Variants in KCNQ3 observed in about 807,000 individuals in gnomAD.
KCNQ3 encodes the protein potassium voltage-gated channel subfamily KQT member 3.
KCNQ3 carries 30 observed loss-of-function variants against 92.5 expected under a neutral mutation model. The observed-to-expected ratio is 0.32, with a 90% CI of 0.24 to 0.44. KCNQ3 has a LOEUF of 0.44. Ranked by LOEUF, KCNQ3 falls within the 20% of genes least tolerant of loss-of-function variation. KCNQ3 has a pLI of 1.00. For synonymous variants in KCNQ3, 450 were observed against 468.8 expected (o/e 0.96, Z 0.52); for missense variants, 913 against 1,140.3 (o/e 0.80, Z 2.87).
intron 9 of KCNQ3, among the ~76,000 whole-genome samples, chr8:132,154,778 C>T (rs1825755361): frequency 1.3e-5 from 2 of 151,998 alleles, no homozygotes; most frequent in South Asian, 4.2e-4. Flanking sequence ...TTCTTTTTTC[C>T]TTTTCACCCA....
At position 132,172,754 on chromosome 8, in the gene KCNQ3, C is replaced by T. The variant is rs1826420874; in HGVS notation, c.1045-61G>A. 1.5e-5 allele frequency: 19 copies of T among 1,239,416 alleles called. No homozygotes were observed. The South Asian group carries it at 2.3e-4, about 15-fold the overall frequency. The allele number at this position is 1,239,416 out of a possible 1,614,324, so 76.8% of individuals were successfully genotyped here. ...CTAGACTGTCCCAGCATTCCCGCTC[C>T]ATTGCCAGGGTAATGGGGACTGTAG... On this transcript the variant is annotated intron_variant, in intron 6 of 14. Transcript: ENST00000388996.
intron 1 of KCNQ3, among the ~76,000 whole-genome samples, chr8:132,428,667 C>T (rs2130820772): frequency 6.6e-6 from 1 of 152,286 alleles, no homozygotes; most frequent in Non-Finnish European, 1.5e-5. Flanking sequence ...GCAAGCTATA[C>T]CTCTGTTAAA....
chr8:132,174,357 G>C lies in KCNQ3; in HGVS notation c.934-8C>G. ...AATGGTGGCCAGTGTGATCTGAAGA[G>C]AGAAGAGTTCAGACATGGAGTACCA... On this transcript the variant is annotated splice_polypyrimidine_tract_variant and splice_region_variant and intron_variant, in intron 5 of 14. Transcript: ENST00000388996. 2 of 1,541,904 alleles carry C rather than the reference G, an allele frequency of 1.3e-6. No homozygotes were observed.
intron 2 of KCNQ3, among the ~76,000 whole-genome samples, chr8:132,185,256 T>C (rs886437845): frequency 1.3e-5 from 2 of 152,228 alleles, no homozygotes; most frequent in African/African-American, 4.8e-5. Context: ...GCTCCACTAT[T>C]TTAAAAGCCC....
chr8:132,263,104 G>A (rs1815847777), intron 1 of KCNQ3, among the ~76,000 whole-genome samples: 3 of 151,960 alleles, frequency 2.0e-5, no homozygotes, highest in Admixed American at 2.0e-4. Context: ...CTCCCACTGA[G>A]CGCAATTAAG....
intron 9 of KCNQ3, among the ~76,000 whole-genome samples, chr8:132,153,712 AG>A (rs1157638155): frequency 6.9e-6 from 1 of 145,102 alleles, no homozygotes; most frequent in African/African-American, 2.6e-5. Flanking sequence ...TGTGGGTAAT[AG>A]TGGATACTCC....
At chr8:132,177,758 G>T (rs1454296178) in intron 4 of KCNQ3, among the ~76,000 whole-genome samples, 1 of 152,120 alleles carries the variant, frequency 6.6e-6, no homozygotes, top group African/African-American at 2.4e-5. Context: ...CATAGTACCC[G>T]GCCCAGAGTA....
intron 1 of KCNQ3, among the ~76,000 whole-genome samples, chr8:132,270,228 G>A (rs1321425336): frequency 7.2e-5 from 11 of 152,130 alleles, no homozygotes; most frequent in African/African-American, 1.9e-4. Flanking sequence ...GGCAATGGGC[G>A]TTGACGTCGC....
intron 1 of KCNQ3, among the ~76,000 whole-genome samples, chr8:132,297,167 T>G (rs1817058539): frequency 6.6e-6 from 1 of 152,248 alleles, no homozygotes; most frequent in South Asian, 2.1e-4. Flanking sequence ...TTGTGTCTGT[T>G]TTTTGGCTGC....
At chr8:132,370,309 G>GATGAATGA (rs571631731) in intron 1 of KCNQ3, among the ~76,000 whole-genome samples, 1 of 152,170 alleles carries the variant, frequency 6.6e-6, no homozygotes, top group Non-Finnish European at 1.5e-5. Flanking sequence ...CTGCTAAATG[G>GATGAATGA]ATGAATGAAT....
In KCNQ3 at chr8:132,170,302, C is replaced by T. The variant is rs16904618; in HGVS notation, c.1235+32G>A. The stretch of plus-strand genomic sequence containing the variant: ...AGACCGCAGGAGAGATGGCTGGTCA[C>T]GCCCTGAGCATTCAGGTGAGTCCCC... On this transcript the variant is annotated intron_variant, in intron 8 of 14. Transcript: ENST00000388996. 5.1e-4 allele frequency: 762 copies of T among 1,495,586 alleles called. 6 individuals are homozygous for T. The East Asian group carries it at 0.01, about 20-fold the overall frequency. The allele number at this position is 1,495,586 out of a possible 1,614,324, so 92.6% of individuals were successfully genotyped here. A position where few individuals can be genotyped will look rare whatever the true frequency, so the allele number is the denominator to read the frequency against.
At chr8:132,456,464 G>GGTGT (rs34858367) in intron 1 of KCNQ3, among the ~76,000 whole-genome samples, 14,773 of 149,296 alleles carry the variant, frequency 0.099, 733 homozygotes, top group African/African-American at 0.13. Flanking sequence ...GGGGATTGAG[G>GGTGT]GTGTGTGTGT....
chr8:132,386,640 G>A (rs1174494289), intron 1 of KCNQ3, among the ~76,000 whole-genome samples: 1 of 152,092 alleles, frequency 6.6e-6, no homozygotes, highest in East Asian at 1.9e-4. Context: ...CCATATTAAA[G>A]AGGTTTATTT....
intron 1 of KCNQ3, among the ~76,000 whole-genome samples, chr8:132,251,688 C>A (rs1310969144): frequency 6.6e-6 from 1 of 152,180 alleles, no homozygotes; most frequent in Non-Finnish European, 1.5e-5. Flanking sequence ...TTGGCTCCCA[C>A]CATTAATGTT....
chr8:132,330,112 A>G (rs972289868), intron 1 of KCNQ3, among the ~76,000 whole-genome samples: 1 of 152,210 alleles, frequency 6.6e-6, no homozygotes, highest in Non-Finnish European at 1.5e-5. Flanking sequence ...AGACATCCAG[A>G]GCAGAGGTAC....
chr8:132,333,343 T>C (rs139320740), intron 1 of KCNQ3, among the ~76,000 whole-genome samples: 130 of 152,304 alleles, frequency 8.5e-4, no homozygotes, highest in African/African-American at 2.9e-3. Context: ...TAGGTTAAAA[T>C]ATTTAAAACA....
rs2130176597 is a variant in KCNQ3 at position 132,184,356 on chromosome 8, A to G, written c.489T>C (p.Ala163=). 1 of 1,614,146 alleles carries G rather than the reference A, an allele frequency of 6.2e-7. No individual in the cohort carries two copies. The highest frequency in any genetic ancestry group is 2.2e-5 in the East Asian group (1 of 44,876). ...CAAACTCGGCTCCAAAGATGAAAAT[A>G]GCAAATGTCTCCTGCATGGAAGAGC... is the stretch of plus-strand genomic sequence containing the variant. The part of the protein sequence containing the change: ...GDWLLLLETF[A]IFIFGAEFAL... The change falls in exon 3 of 15, where the codon GCT becomes GCC. Residue 163 remains alanine (A), a synonymous_variant. Coordinates refer to ENST00000388996, the MANE Select transcript of KCNQ3 (RefSeq NM_004519.4).
intron 1 of KCNQ3, among the ~76,000 whole-genome samples, chr8:132,280,430 G>A (rs1816477091): frequency 6.6e-6 from 1 of 152,182 alleles, no homozygotes; most frequent in South Asian, 2.1e-4. Context: ...CACATGGCAG[G>A]AGAAAGAGAG....
intron 1 of KCNQ3, among the ~76,000 whole-genome samples, chr8:132,326,560 G>A (rs933928110): frequency 1.3e-5 from 2 of 152,138 alleles, no homozygotes; most frequent in African/African-American, 4.8e-5. Flanking sequence ...GTCACAAAAG[G>A]TACCACCGTC....
Sources: allele counts gnomAD v4.1 joint callset (sites outside exome capture counted in the v4.1 genomes callset), GRCh38; gene constraint gnomAD v4.1.1; transcripts MANE v1.5; gene names NCBI Gene and HGNC (gene_info 2026-07-23, HGNC 2026-07-21).